Variants in NFATC1 observed in about 807,000 individuals in gnomAD.
NFATC1 encodes nuclear factor of activated T cells 1, also known as nuclear factor of activated T-cells, cytoplasmic 1.
Under a neutral mutation model 76.0 loss-of-function variants are expected in NFATC1, and 22 were observed. That is an observed-to-expected ratio of 0.29 (90% confidence interval 0.21 to 0.41). The LOEUF is 0.41. NFATC1 is among the 10% of genes least tolerant of loss of function. NFATC1 has a pLI of 1.00. For missense variants in NFATC1, 1,357 were observed against 1,337.7 expected (o/e 1.01, Z -0.23); for synonymous variants, 704 against 613.1 (o/e 1.15, Z -2.19).
chr18:79,493,041 TC>T (rs1361437341), intron 9 of NFATC1, among the ~76,000 whole-genome samples: 1 of 152,060 alleles, frequency 6.6e-6, no homozygotes, highest in Admixed American at 6.5e-5. Context: ...TATTGGGCTT[TC>T]CCCTCAGACT....
intron 8 of NFATC1, among the ~76,000 whole-genome samples, chr18:79,482,205 G>A (rs1334037112): frequency 1.4e-5 from 2 of 147,130 alleles, no homozygotes; most frequent in South Asian, 2.2e-4. Flanking sequence ...CTGGTTCCTG[G>A]GGTGTAATTC....
In NFATC1 at chr18:79,524,364, G is replaced by A. The variant is rs1352122178; in HGVS notation, c.2783-3164G>A. ...TCGTCCGCGGTGTGGATGGGTGGGC[G>A]GTACAGCCTCCTCTGCGGTTCGGTT... On this transcript the variant is annotated intron_variant, in intron 9 of 9. Transcript: ENST00000427363. This position sits in a 1 kb window ranked among gnomAD's most constrained non-coding sequence, Gnocchi z 7.2. 1.3e-5 allele frequency among the ~76,000 whole-genome samples: 2 copies of A among 152,226 alleles called. No individual in the cohort carries two copies. Among genetic ancestry groups the A allele is most frequent in the Non-Finnish European group, 2.9e-5 (2 of 68,040 alleles).
chr18:79,494,772 C>T (rs1174303173), intron 9 of NFATC1, among the ~76,000 whole-genome samples: 9 of 79,556 alleles, frequency 1.1e-4, no homozygotes, highest in East Asian at 3.9e-4. Context: ...CGGGGGAAGG[C>T]GAGAGCGGGC....
rs1372634583 is a variant in NFATC1, at chr18:79,411,186, C to A, written c.911C>A (p.Thr304Asn). The stretch of plus-strand genomic sequence containing the variant: ...ACCGACGACTCGTGGTTGGGCAACA[C>A]CACCCAGTACACCAGCTCGGCCATC... ...SVTDDSWLGN[T>N]TQYTSSAIVA... Residue 304 changes from threonine (T) to asparagine (N), a missense_variant, in exon 2 of 10, where the codon ACC (threonine) becomes AAC (asparagine). Physicochemically the swap from Thr to Asn is moderately conservative, Grantham distance 65. This residue lies in a region of NFATC1 where 691 missense variants were observed against 613.1 expected (regional missense o/e 1.13). Coordinates refer to ENST00000427363, the MANE Select transcript of NFATC1 (RefSeq NM_001278669.2). 6.2e-7 allele frequency: 1 copy of A among 1,611,530 alleles called. No individual in the cohort carries two copies. The highest frequency in any genetic ancestry group is 1.1e-5 in the South Asian group (1 of 91,078).
intron 9 of NFATC1, among the ~76,000 whole-genome samples, chr18:79,518,214 T>C (rs1413571672): frequency 1.3e-5 from 2 of 152,240 alleles, no homozygotes; most frequent in Admixed American, 1.3e-4. Flanking sequence ...AGCTCAGCTG[T>C]GTCTGAACAG....
At chr18:79,449,335 T>C (rs947341078) in intron 4 of NFATC1, among the ~76,000 whole-genome samples, 1 of 152,244 alleles carries the variant, frequency 6.6e-6, no homozygotes, top group African/African-American at 2.4e-5. Context: ...AGTCAGCACA[T>C]CTGGATCACG....
chr18:79,438,118 C>T lies in NFATC1; in HGVS notation c.1386+4380C>T, dbSNP rs186472251. Among the ~76,000 whole-genome samples, 86 of 152,326 alleles carry T rather than the reference C, an allele frequency of 5.6e-4. No homozygotes were observed. The East Asian group carries it at 0.013, about 24-fold the overall frequency. ...CTGGAGTCCGGCTCCCCGCTCCGTC[C>T]GAGGAGGAGCTGAGCGGCGTGAGCA... On this transcript the variant is annotated intron_variant, in intron 3 of 9. Transcript: ENST00000427363.
chr18:79,491,225 T>G (rs1569026656), intron 9 of NFATC1, among the ~76,000 whole-genome samples: 1 of 152,072 alleles, frequency 6.6e-6, no homozygotes, highest in African/African-American at 2.4e-5. Flanking sequence ...GTCGCTGGCT[T>G]AGAAAGCAGG....
In NFATC1 at chr18:79,448,512, G is replaced by A. The variant is rs1456321164; in HGVS notation, c.1387-270G>A. 2.7e-5 allele frequency: 13 copies of A among 488,142 alleles called. No homozygotes were observed. In the East Asian group the frequency reaches 4.6e-4, roughly 17 times the overall value. The allele number at this position is 488,142 out of a possible 1,614,324, so 30.2% of individuals were successfully genotyped here. A position where few individuals can be genotyped will look rare whatever the true frequency, so the allele number is the denominator to read the frequency against. On this transcript the variant is annotated intron_variant, in intron 3 of 9. Coordinates refer to ENST00000427363, the MANE Select transcript of NFATC1 (RefSeq NM_001278669.2). Reference sequence around the variant, plus strand: ...ACACGCCCCCTGCCAGCTTCACTGTGGCCTCAGAATGGGCACACACAGCAA... The same window carrying A: ...ACACGCCCCCTGCCAGCTTCACTGTAGCCTCAGAATGGGCACACACAGCAA...
At chr18:79,400,380 G>GCCCGA (rs1555896695) in intron 1 of NFATC1, 6 of 1,476,906 alleles carry the variant, frequency 4.1e-6, no homozygotes, top group Admixed American at 2.4e-5. Flanking sequence ...CCCGGCCCCG[G>GCCCGA]CCCGACCCGC....
At chr18:79,418,200 C>A (rs1305128144) in intron 2 of NFATC1, among the ~76,000 whole-genome samples, 1 of 152,086 alleles carries the variant, frequency 6.6e-6, no homozygotes, top group Non-Finnish European at 1.5e-5. Context: ...TGTGTGATGG[C>A]AGGAAGAATC....
At chr18:79,514,721 G>A (rs1029511689) in intron 9 of NFATC1, among the ~76,000 whole-genome samples, 2 of 152,034 alleles carry the variant, frequency 1.3e-5, no homozygotes, top group African/African-American at 4.8e-5. Context: ...TCTGGTAAGA[G>A]GAAGATTTAG....
chr18:79,425,665 G>C (rs1298114962), intron 2 of NFATC1, among the ~76,000 whole-genome samples: 2 of 149,698 alleles, frequency 1.3e-5, no homozygotes, highest in African/African-American at 4.8e-5. Flanking sequence ...GTTCACCGGC[G>C]GAGTCGGGGC....
intron 9 of NFATC1, among the ~76,000 whole-genome samples, chr18:79,509,342 G>A (rs570299876): frequency 6.6e-6 from 1 of 152,356 alleles, no homozygotes; most frequent in East Asian, 1.9e-4. Context: ...CACCCACCCT[G>A]GGCTGCCAGC....
At chr18:79,450,605 G>A (rs573241773) in intron 4 of NFATC1, among the ~76,000 whole-genome samples, 3 of 152,312 alleles carry the variant, frequency 2.0e-5, no homozygotes, top group East Asian at 1.9e-4. Context: ...CGTGGGCCCT[G>A]GAGGCAGCCA....
chr18:79,478,775 C>G (rs2089173479), intron 8 of NFATC1, among the ~76,000 whole-genome samples: 1 of 152,180 alleles, frequency 6.6e-6, no homozygotes. Context: ...CTCCAGGACT[C>G]AGCTCCCAAC....
intron 9 of NFATC1, among the ~76,000 whole-genome samples, chr18:79,507,668 G>T (rs1004827738): frequency 2.0e-5 from 3 of 152,240 alleles, no homozygotes; most frequent in Non-Finnish European, 4.4e-5. Flanking sequence ...ACGTCCCCCG[G>T]AGCCCTAGAA....
At chr18:79,425,079 C>T (rs944239485) in intron 2 of NFATC1, among the ~76,000 whole-genome samples, 1 of 149,634 alleles carries the variant, frequency 6.7e-6, no homozygotes, top group Non-Finnish European at 1.5e-5. Context: ...CTCTCTCTGT[C>T]TCTCCATCTC....
intron 9 of NFATC1, among the ~76,000 whole-genome samples, chr18:79,500,938 A>G (rs1381561083): frequency 6.6e-6 from 1 of 152,224 alleles, no homozygotes; most frequent in Non-Finnish European, 1.5e-5. Flanking sequence ...ACCAGTGCCA[A>G]TACTCCACAA....
Sources: gnomAD v4.1 joint callset for allele counts (sites outside exome capture counted in the v4.1 genomes callset) on GRCh38, gnomAD v4.1.1 for gene constraint, gnomAD v4.1.1 regional missense constraint, Gnocchi (gnomAD v3.1) non-coding constraint, MANE v1.5 for transcripts, NCBI Gene and HGNC (gene_info 2026-07-23, HGNC 2026-07-21) for gene names.